The following PLXNA4 variants were observed in gnomAD, a reference collection of about 807,000 sequenced individuals.
The protein encoded by PLXNA4 is plexin A4.
Under a neutral mutation model 191.8 loss-of-function variants are expected in PLXNA4, and 44 were observed. That is an observed-to-expected ratio of 0.23 (90% CI 0.18 to 0.29). The LOEUF (loss-of-function observed/expected upper bound fraction) is 0.29. Among genes scored for constraint, PLXNA4 ranks in the 10% least tolerant of loss-of-function variants. The pLI is 1.00. For synonymous variants in PLXNA4, 1,082 were observed against 1,009.5 expected (o/e 1.07, Z -1.36); for missense variants, 1,800 against 2,488.8 (o/e 0.72, Z 5.89).
chr7:132,326,462 G>C (rs939338688), intron 3 of PLXNA4, among the ~76,000 whole-genome samples: 1 of 152,050 alleles, frequency 6.6e-6, no homozygotes, highest in Non-Finnish European at 1.5e-5. Flanking sequence ...TGGTGCTCCC[G>C]TGGCCTGCAT....
At chr7:132,639,749 A>T (rs6977448) in intron 2 of PLXNA4, among the ~76,000 whole-genome samples, 31,456 of 152,146 alleles carry the variant, frequency 0.21, 3,839 homozygotes, top group African/African-American at 0.3. Context: ...AACAAATGCA[A>T]GCAATTTTCC....
At chr7:132,139,405 C>G (rs1017719783) in intron 30 of PLXNA4, among the ~76,000 whole-genome samples, 1 of 152,198 alleles carries the variant, frequency 6.6e-6, no homozygotes, top group Admixed American at 6.5e-5. Context: ...GTCAAGAACA[C>G]CTTCTGGACT....
chr7:132,149,199 A>G (rs1179379213), intron 25 of PLXNA4, among the ~76,000 whole-genome samples: 2 of 152,184 alleles, frequency 1.3e-5, no homozygotes, highest in East Asian at 3.9e-4. Flanking sequence ...AGCAAAACCC[A>G]TTCTCACGCC....
chr7:132,286,382 T>C (rs1800683113), intron 4 of PLXNA4, among the ~76,000 whole-genome samples: 1 of 152,128 alleles, frequency 6.6e-6, no homozygotes, highest in Non-Finnish European at 1.5e-5. Flanking sequence ...GTGGTTGTCT[T>C]TAAAAATGGC....
chr7:132,132,553 TTCTATTCTAC>T (rs1794998532), intron 31 of PLXNA4, among the ~76,000 whole-genome samples: 1 of 150,410 alleles, frequency 6.6e-6, no homozygotes, highest in Non-Finnish European at 1.5e-5. Flanking sequence ...TTCTATTCTA[TTCTATTCTAC>T]TCCGTTCCAT....
intron 3 of PLXNA4, among the ~76,000 whole-genome samples, chr7:132,442,088 G>A (rs990904694): frequency 1.3e-5 from 2 of 152,202 alleles, no homozygotes; most frequent in African/African-American, 4.8e-5. Flanking sequence ...CTATCTGGGA[G>A]GAGCCCCAAG....
At chr7:132,163,045 GTCC>G (rs1795996961) in intron 24 of PLXNA4, among the ~76,000 whole-genome samples, 1 of 152,098 alleles carries the variant, frequency 6.6e-6, no homozygotes, top group Non-Finnish European at 1.5e-5. Context: ...TCTGTTCCCC[GTCC>G]TCCTCGTTCC....
intron 3 of PLXNA4, among the ~76,000 whole-genome samples, chr7:132,407,256 G>A (rs201031004): frequency 6.6e-6 from 1 of 152,118 alleles, no homozygotes; most frequent in East Asian, 1.9e-4. Context: ...CCTGGGACTC[G>A]GAGGCCCTCT....
intron 2 of PLXNA4, among the ~76,000 whole-genome samples, chr7:132,632,434 C>T (rs764294550): frequency 9.9e-5 from 15 of 152,234 alleles, no homozygotes; most frequent in Admixed American, 5.2e-4. Context: ...TCCCACTTTA[C>T]GGATCAGGAA....
intron 25 of PLXNA4, among the ~76,000 whole-genome samples, chr7:132,153,170 A>T (rs1216326940): frequency 1.3e-5 from 2 of 152,240 alleles, no homozygotes; most frequent in East Asian, 3.9e-4. Flanking sequence ...AAGGATGAGT[A>T]GGCGTTCACT....
At chr7:132,623,274 A>T (rs2116869534) in intron 2 of PLXNA4, among the ~76,000 whole-genome samples, 1 of 152,094 alleles carries the variant, frequency 6.6e-6, no homozygotes, top group African/African-American at 2.4e-5. Context: ...TGAACCCAGG[A>T]GGCAGAGGTT....
At chr7:132,288,098 CAGA>C (rs764795986) in intron 4 of PLXNA4, among the ~76,000 whole-genome samples, 1 of 152,134 alleles carries the variant, frequency 6.6e-6, no homozygotes, top group Non-Finnish European at 1.5e-5. Context: ...AAAGGCATTG[CAGA>C]AGGAGCTGAG....
chr7:132,437,360 G>C (rs1795511530), intron 3 of PLXNA4, among the ~76,000 whole-genome samples: 1 of 152,208 alleles, frequency 6.6e-6, no homozygotes, highest in Non-Finnish European at 1.5e-5. Flanking sequence ...TGACTCCTGA[G>C]GGGCAGAAAT....
intron 3 of PLXNA4, among the ~76,000 whole-genome samples, chr7:132,310,080 C>G (rs1426461081): frequency 6.6e-6 from 1 of 151,878 alleles, no homozygotes; most frequent in African/African-American, 2.4e-5. Flanking sequence ...TGGGGCTGTG[C>G]AGGCAACCAA....
At chr7:132,156,181 C>G (rs1028222999) in intron 25 of PLXNA4, among the ~76,000 whole-genome samples, 1 of 147,800 alleles carries the variant, frequency 6.8e-6, no homozygotes, top group Non-Finnish European at 1.5e-5. Context: ...CACACACACA[C>G]AGACGCACAC....
At chr7:132,518,774 T>C (rs181093249) in intron 1 of PLXNA4, among the ~76,000 whole-genome samples, 1 of 152,250 alleles carries the variant, frequency 6.6e-6, no homozygotes, top group Non-Finnish European at 1.5e-5. Context: ...TGTGAGCCTC[T>C]CCATTCAGAG....
chr7:132,200,882 C>T, intron 12 of PLXNA4, among the ~76,000 whole-genome samples: 1 of 152,178 alleles, frequency 6.6e-6, no homozygotes, highest in Non-Finnish European at 1.5e-5. Context: ...TGAGCATTAG[C>T]CTCTGTCTGG....
chr7:132,319,715 T>C (rs2116630030), intron 3 of PLXNA4, among the ~76,000 whole-genome samples: 1 of 152,304 alleles, frequency 6.6e-6, no homozygotes, highest in East Asian at 1.9e-4. Flanking sequence ...CAGAAGCAGG[T>C]TTTCTCACAC....
intron 3 of PLXNA4, among the ~76,000 whole-genome samples, chr7:132,489,030 A>C (rs1473934436): frequency 6.6e-6 from 1 of 152,182 alleles, no homozygotes; most frequent in Non-Finnish European, 1.5e-5. Context: ...TTAGAACAAC[A>C]CTGCAAGGCT....
Sources: allele counts gnomAD v4.1 joint callset (sites outside exome capture counted in the v4.1 genomes callset), GRCh38; gene constraint gnomAD v4.1.1; transcripts MANE v1.5; gene names NCBI Gene and HGNC (gene_info 2026-07-23, HGNC 2026-07-21).